The following LRRTM4 variants were observed in gnomAD, a reference collection of about 807,000 sequenced individuals.
LRRTM4 encodes the protein leucine rich repeat transmembrane neuronal 4.
LRRTM4 carries 25 observed loss-of-function variants against 47.6 expected under a neutral mutation model. That is an observed-to-expected ratio of 0.53 (90% CI 0.38 to 0.73). LRRTM4 has a LOEUF of 0.73. Among genes scored for constraint, LRRTM4 ranks in the 30% least tolerant of loss-of-function variants. The probability of loss-of-function intolerance (pLI) is 0.00; values close to 1 mark genes in which losing one functional copy is unlikely to be tolerated. For missense variants in LRRTM4, 638 were observed against 713.4 expected (o/e 0.89, Z 1.20); for synonymous variants, 311 against 269.5 (o/e 1.15, Z -1.51).
chr2:77,046,386 GA>G (rs1282720769), intron 3 of LRRTM4, among the ~76,000 whole-genome samples: 1 of 151,856 alleles, frequency 6.6e-6, no homozygotes, highest in Non-Finnish European at 1.5e-5. Flanking sequence ...TTTTTTTCTA[GA>G]AAAATAGTTA....
chr2:77,476,679 G>C (rs1677402151), intron 3 of LRRTM4, among the ~76,000 whole-genome samples: 1 of 152,022 alleles, frequency 6.6e-6, no homozygotes, highest in Admixed American at 6.6e-5. Context: ...TCATGACGTA[G>C]AACAATTGTT....
At chr2:77,277,846 G>A (rs920780940) in intron 3 of LRRTM4, among the ~76,000 whole-genome samples, 2 of 151,944 alleles carry the variant, frequency 1.3e-5, no homozygotes, top group African/African-American at 4.8e-5. Context: ...AAGTAGCTCT[G>A]TATGGCACAC....
chr2:77,266,754 T>C (rs966871100), intron 3 of LRRTM4, among the ~76,000 whole-genome samples: 6 of 152,054 alleles, frequency 3.9e-5, no homozygotes. Flanking sequence ...AACAGAACTG[T>C]TGGGGCTTCA....
At chr2:76,893,565 A>C (rs72821251) in intron 3 of LRRTM4, among the ~76,000 whole-genome samples, 6,823 of 151,848 alleles carry the variant, frequency 0.045, 213 homozygotes, top group East Asian at 0.08. Context: ...TGGTTTCTAA[A>C]TAATTGTGTA....
chr2:76,837,241 AT>A (rs1490486150), intron 3 of LRRTM4, among the ~76,000 whole-genome samples: 21 of 151,802 alleles, frequency 1.4e-4, no homozygotes, highest in African/African-American at 3.9e-4. Flanking sequence ...CCCCTTTATC[AT>A]TTTTTATTGC....
At chr2:77,358,891 A>C (rs1672072395) in intron 3 of LRRTM4, among the ~76,000 whole-genome samples, 2 of 152,168 alleles carry the variant, frequency 1.3e-5, no homozygotes, top group African/African-American at 4.8e-5. Context: ...TGGCCAACAC[A>C]TACTCTTTTA....
At chr2:76,971,017 A>C (rs972745269) in intron 3 of LRRTM4, among the ~76,000 whole-genome samples, 5 of 151,992 alleles carry the variant, frequency 3.3e-5, no homozygotes, top group African/African-American at 1.2e-4. Context: ...AATAACATTC[A>C]AAGCAGCATG....
chr2:77,450,747 A>G lies in LRRTM4; in HGVS notation c.1551+67571T>C, dbSNP rs371459307. 6.0e-4 allele frequency among the ~76,000 whole-genome samples: 91 copies of G among 152,234 alleles called. 1 individual carries two copies. The highest frequency in any genetic ancestry group is 5.0e-3 in the East Asian group (26 of 5,172). On this transcript the variant is annotated intron_variant, in intron 3 of 3. Transcript: ENST00000409884. ...TTTTTACCATAAACATTCCAGCTGA[A>G]GCACTTATCACCTTATAGCTAGCCA...
intron 3 of LRRTM4, among the ~76,000 whole-genome samples, chr2:77,508,290 G>A (rs1380553648): frequency 6.6e-6 from 1 of 152,198 alleles, no homozygotes; most frequent in East Asian, 1.9e-4. Context: ...AAACTCTGAA[G>A]TGACACGAAT....
At chr2:77,020,173 G>A (rs1156819413) in intron 3 of LRRTM4, among the ~76,000 whole-genome samples, 1 of 103,052 alleles carries the variant, frequency 9.7e-6, no homozygotes, top group Non-Finnish European at 1.7e-5. Context: ...TTTATAAGTA[G>A]TATTAATAAA....
chr2:77,047,796 A>G (rs1172024176), intron 3 of LRRTM4, among the ~76,000 whole-genome samples: 1 of 152,104 alleles, frequency 6.6e-6, no homozygotes, highest in Non-Finnish European at 1.5e-5. Context: ...ATTTCAACTC[A>G]TAACATACAA....
intron 3 of LRRTM4, among the ~76,000 whole-genome samples, chr2:77,222,488 G>T (rs1201666463): frequency 1.3e-5 from 2 of 151,948 alleles, no homozygotes; most frequent in East Asian, 3.9e-4. Context: ...AAAGAGAGAA[G>T]AATCAATTAG....
chr2:76,754,497 A>G (rs1353170218), intron 3 of LRRTM4, among the ~76,000 whole-genome samples: 1 of 152,200 alleles, frequency 6.6e-6, no homozygotes. Context: ...CAATGTCATC[A>G]GCATCCTCTC....
intron 3 of LRRTM4, among the ~76,000 whole-genome samples, chr2:77,161,490 C>T (rs1672726936): frequency 6.6e-6 from 1 of 152,124 alleles, no homozygotes; most frequent in Non-Finnish European, 1.5e-5. Flanking sequence ...TATAGTGATA[C>T]TTGTTGTCTC....
At chr2:76,784,681 G>C (rs1206169588) in intron 3 of LRRTM4, among the ~76,000 whole-genome samples, 1 of 152,026 alleles carries the variant, frequency 6.6e-6, no homozygotes, top group African/African-American at 2.4e-5. Context: ...TGCATGAATA[G>C]CTTCCTAAGT....
intron 3 of LRRTM4, among the ~76,000 whole-genome samples, chr2:77,433,486 C>A (rs994196654): frequency 4.6e-5 from 7 of 152,252 alleles, no homozygotes; most frequent in African/African-American, 1.7e-4. Context: ...CCAAAATTAA[C>A]AAATCTAAAA....
intron 3 of LRRTM4, among the ~76,000 whole-genome samples, chr2:77,280,676 C>A (rs2104098749): frequency 6.6e-6 from 1 of 151,928 alleles, no homozygotes; most frequent in East Asian, 1.9e-4. Context: ...CCTCATTTTG[C>A]CTCAGTTTTC....
intron 3 of LRRTM4, among the ~76,000 whole-genome samples, chr2:77,298,335 C>A (rs1208269861): frequency 6.6e-6 from 1 of 152,150 alleles, no homozygotes; most frequent in Non-Finnish European, 1.5e-5. Context: ...CTCCCGGGTT[C>A]ACGCCATTCT....
At chr2:77,012,178 T>C (rs1677899009) in intron 3 of LRRTM4, among the ~76,000 whole-genome samples, 1 of 152,096 alleles carries the variant, frequency 6.6e-6, no homozygotes, top group Admixed American at 6.6e-5. Flanking sequence ...AGAATATAAA[T>C]GCACCATAGG....
Sources: gnomAD v4.1 joint callset for allele counts (sites outside exome capture counted in the v4.1 genomes callset) on GRCh38, gnomAD v4.1.1 for gene constraint, MANE v1.5 for transcripts, NCBI Gene and HGNC (gene_info 2026-07-23, HGNC 2026-07-21) for gene names.